Variants in KLK12 observed in about 807,000 individuals in gnomAD.
KLK12 encodes kallikrein-12.
Under a neutral mutation model 20.0 loss-of-function variants are expected in KLK12, and 23 were observed. The ratio of observed to expected loss-of-function variants is 1.15; its 90% confidence interval spans 0.83 to 1.63. KLK12 has a LOEUF of 1.63. Ranked by LOEUF, KLK12 falls within the 40% of genes most tolerant of loss-of-function variation. The pLI, the probability that KLK12 is intolerant of heterozygous loss-of-function variation, is 0.00. For synonymous variants in KLK12, 147 were observed against 141.9 expected, an observed-to-expected ratio of 1.04 and a Z score of -0.25; for missense variants, 351 against 338.6, an observed-to-expected ratio of 1.04 and a Z score of -0.29.
intron 1 of KLK12, 74 bp downstream of exon 1, chr19:51,034,732 G>GACCTGCTTGTCCTCTCTCT (rs2091595278): frequency 2.6e-6 from 4 of 1,544,094 alleles, no homozygotes; most frequent in Non-Finnish European, 2.6e-6. Flanking sequence ...CCAAGGGGAT[G>GACCTGCTTGTCCTCTCTCT]ACCTGCTTGT....
At position 51,029,420 on chromosome 19, in the gene KLK12, A is replaced by AG. The variant is rs772904124; in HGVS notation, c.628dup (p.Leu210ProfsTer70). 8 of 1,613,776 alleles carry AG rather than the reference A, an allele frequency of 5.0e-6. No individual in the cohort carries two copies. The highest frequency in any genetic ancestry group is 5.9e-6 in the Non-Finnish European group (7 of 1,179,644). On this transcript the variant is annotated frameshift_variant, in exon 6 of 6. Transcript: ENST00000684732. LOFTEE classifies it low-confidence loss of function (END_TRUNC). Reference sequence around the variant, plus strand: ...AGACCCCCAGGACACCAGACCTTGAAGGACTCCCCCACACACCAGGGGGCC... The same window carrying AG: ...AGACCCCCAGGACACCAGACCTTGAAGGGACTCCCCCACACACCAGGGGGCC...
chr19:51,033,869 C>T, intron 3 of KLK12, 111 bp downstream of exon 3: 5 of 1,109,954 alleles, frequency 4.5e-6, no homozygotes, highest in South Asian at 2.7e-5. Context: ...CTCAGACTCT[C>T]TTGTTGCAGG....
chr19:51,034,744 C>A, intron 1 of KLK12, 62 bp downstream of exon 1: 1 of 1,536,034 alleles, frequency 6.5e-7, no homozygotes, highest in East Asian at 2.4e-5. Flanking sequence ...CCTGCTTGTC[C>A]TCTCTCTACC....
In KLK12 at chr19:51,032,097, T is replaced by G; in HGVS notation, c.236A>C (p.Gln79Pro). 6.2e-7 allele frequency: 1 copy of G among 1,604,514 alleles called. No homozygotes were observed. Among genetic ancestry groups the G allele is most frequent in the African/African-American group, 1.3e-5 (1 of 74,854 alleles). ...WVRLGEHSLS[Q>P]LDWTEQIRHS... ...CCGGATCTGCTCGGTCCAGTCGAGCTGGCTGAGGCTGTGTTCCCCCAGGCG... is the reference window on the plus strand; with the variant it reads ...CCGGATCTGCTCGGTCCAGTCGAGCGGGCTGAGGCTGTGTTCCCCCAGGCG... The change falls in exon 4 of 6, where the codon CAG (glutamine) becomes CCG (proline). Residue 79 changes from glutamine to proline, a missense_variant. Transcript: ENST00000684732.
chr19:51,034,969 T>C lies in KLK12; in HGVS notation c.-183A>G. On this transcript the variant is annotated 5_prime_UTR_variant, in exon 1 of 6. Coordinates refer to ENST00000684732, the MANE Select transcript of KLK12 (RefSeq NM_001370125.1). Reference sequence around the variant, plus strand: ...CTGGCTCCTCAGCCACCTGTCATGTTGCTCAACCGGTCCCTTTCCTTCCAT... The same window carrying C: ...CTGGCTCCTCAGCCACCTGTCATGTCGCTCAACCGGTCCCTTTCCTTCCAT... The C allele has an allele frequency of 8.3e-7, 1 of 1,198,336 alleles. No individual in the cohort carries two copies. 74.2% of individuals were successfully genotyped at this position (1,198,336 alleles called of 1,614,324 possible). A position where few individuals can be genotyped will look rare whatever the true frequency, so the allele number is the denominator to read the frequency against.
intron 5 of KLK12, 139 bp downstream of exon 5, chr19:51,030,649 C>G: frequency 1.6e-6 from 2 of 1,253,170 alleles, no homozygotes; most frequent in African/African-American, 2.9e-5. Context: ...CGTAACCAGC[C>G]TCTCCCTTCC....
In KLK12 at chr19:51,033,842, TC is replaced by T. The variant is rs2091584412; in HGVS notation, c.197+137del. Reference sequence around the variant, plus strand: ...ACCCCAGGCCCACTGCTAAGGAAGTTCCACTCCTGGTCTAACCTCAGACTCT... The same window carrying T: ...ACCCCAGGCCCACTGCTAAGGAAGTTCACTCCTGGTCTAACCTCAGACTCT... On this transcript the variant is annotated intron_variant, in intron 3 of 5. Transcript: ENST00000684732. 3.3e-6 allele frequency: 3 copies of T among 922,296 alleles called. No individual in the cohort carries two copies. The South Asian group carries it at 4.3e-5, about 13-fold the overall frequency. The allele number at this position is 922,296 out of a possible 1,614,324, so 57.1% of individuals were successfully genotyped here. A position where few individuals can be genotyped will look rare whatever the true frequency, so the allele number is the denominator to read the frequency against.
intron 5 of KLK12, among the ~76,000 whole-genome samples, chr19:51,029,837 G>C (rs947229833): frequency 6.6e-6 from 1 of 152,208 alleles, no homozygotes; most frequent in African/African-American, 2.4e-5. Flanking sequence ...CCAATGAGGA[G>C]AGAGAACACT....
At chr19:51,034,683 C>A in intron 1 of KLK12, 43 bp from the exon 2 acceptor site, 1 of 1,573,382 alleles carries the variant, frequency 6.4e-7, no homozygotes, top group Non-Finnish European at 8.6e-7. Flanking sequence ...TTTCCCTGTG[C>A]CCCCCACCTC....
At chr19:51,030,715 T>TCC in intron 5 of KLK12, 73 bp downstream of exon 5, 5 of 1,588,270 alleles carry the variant, frequency 3.1e-6, no homozygotes, top group Non-Finnish European at 4.3e-6. Context: ...CTCCATCAGT[T>TCC]CCCCTCCTGC....
chr19:51,031,244 C>T (rs1253923970), intron 4 of KLK12, among the ~76,000 whole-genome samples: 1 of 152,092 alleles, frequency 6.6e-6, no homozygotes, highest in Non-Finnish European at 1.5e-5. Flanking sequence ...GACCTTCTGT[C>T]TTATTACCTT....
At chr19:51,032,224 C>A in intron 3 of KLK12, 89 bp from the exon 4 acceptor site, 9 of 1,415,276 alleles carry the variant, frequency 6.4e-6, no homozygotes, top group Non-Finnish European at 8.7e-6. Flanking sequence ...CTGCCGCTCC[C>A]CACTGTTCTG....
chr19:51,031,971 G>T lies in KLK12; in HGVS notation c.362C>A (p.Thr121Asn). The change falls in exon 4 of 6, where the codon ACC (threonine) becomes AAC (asparagine). Residue 121 changes from threonine to asparagine, a missense_variant. Physicochemically the swap from Thr to Asn is moderately conservative, Grantham distance 65. Coordinates refer to ENST00000684732, the MANE Select transcript of KLK12 (RefSeq NM_001370125.1). ...LLRLRLPVRV[T>N]SSVQPLPLPN... The stretch of plus-strand genomic sequence containing the variant: ...CAGGGGCAGGGGTTGAACGCTGCTG[G>T]TTACGCGGACGGGCAGGCGCAGCCG... 6.2e-7 allele frequency: 1 copy of T among 1,613,326 alleles called. No individual in the cohort carries two copies. The highest frequency in any genetic ancestry group is 8.5e-7 in the Non-Finnish European group (1 of 1,179,746).
In KLK12 at chr19:51,029,401, C is replaced by T. The variant is rs745414637; in HGVS notation, c.648G>A (p.Trp216Ter). The part of the protein sequence containing the change: ...CGGVLQGLVS[W>*]GSVGPCGQDG... The stretch of plus-strand genomic sequence containing the variant: ...CTTGTCCACAGGGCCCCACAGACCC[C>T]CAGGACACCAGACCTTGAAGGACTC... The change falls in exon 6 of 6, where the codon TGG becomes TGA. Residue 216 changes from tryptophan to a stop codon, truncating the protein, a stop_gained. Transcript: ENST00000684732. LOFTEE classifies it low-confidence loss of function (END_TRUNC). 2 of 1,613,678 alleles carry T rather than the reference C, an allele frequency of 1.2e-6. No homozygotes were observed. Among genetic ancestry groups the T allele is most frequent in the Non-Finnish European group, 1.7e-6 (2 of 1,179,730 alleles).
chr19:51,034,352 G>T, intron 2 of KLK12: 2 of 1,261,548 alleles, frequency 1.6e-6, no homozygotes, highest in Non-Finnish European at 2.1e-6. Context: ...GAGGGAAATG[G>T]AGAGACAGAG....
At position 51,034,750 on chromosome 19, in the gene KLK12, C is replaced by G. The variant is rs2091595397; in HGVS notation, c.-20+56G>C. 3.9e-6 allele frequency: 6 copies of G among 1,533,280 alleles called. No individual in the cohort carries two copies. In the Admixed American group the frequency reaches 1.2e-4, roughly 30 times the overall value. The allele number at this position is 1,533,280 out of a possible 1,614,324, so 95.0% of individuals were successfully genotyped here. ...AGGGGATGACCTGCTTGTCCTCTCT[C>G]TACCTGCTCCCCTGTGTGTCACTCC... is the stretch of plus-strand genomic sequence containing the variant. On this transcript the variant is annotated intron_variant, in intron 1 of 5. Coordinates refer to ENST00000684732, the MANE Select transcript of KLK12 (RefSeq NM_001370125.1).
At chr19:51,032,707 C>T (rs901447725) in intron 3 of KLK12, among the ~76,000 whole-genome samples, 2 of 151,978 alleles carry the variant, frequency 1.3e-5, no homozygotes, top group Non-Finnish European at 2.9e-5. Context: ...ATTCTCTCGG[C>T]TGGTGAAGCC....
chr19:51,029,327 A>T lies in KLK12; in HGVS notation c.722T>A (p.Ile241Asn). 6.2e-7 allele frequency: 1 copy of T among 1,614,052 alleles called. No individual in the cohort carries two copies. The highest frequency in any genetic ancestry group is 8.5e-7 in the Non-Finnish European group (1 of 1,180,012). ...TCAGTTGTTCCTCATGATCATCCGG[A>T]TCCAGTCCACATACTTGCAAATATA... ...YTYICKYVDW[I>N]RMIMRNN The change falls in exon 6 of 6, where the codon ATC becomes AAC. Residue 241 changes from isoleucine (I) to asparagine (N), a missense_variant. Transcript: ENST00000684732.
intron 3 of KLK12, among the ~76,000 whole-genome samples, chr19:51,032,716 C>T (rs370414905): frequency 2.6e-5 from 4 of 152,002 alleles, no homozygotes; most frequent in African/African-American, 9.7e-5. Flanking sequence ...GCTGGTGAAG[C>T]CCATGAAGGC....
Sources: allele counts gnomAD v4.1 joint callset (sites outside exome capture counted in the v4.1 genomes callset), GRCh38; gene constraint gnomAD v4.1.1; transcripts MANE v1.5; gene names NCBI Gene and HGNC (gene_info 2026-07-23, HGNC 2026-07-21).